Variants in ATP2B2 observed in about 807,000 individuals in gnomAD.
ATP2B2 encodes plasma membrane calcium-transporting ATPase 2.
Under a neutral mutation model 120.0 loss-of-function variants are expected in ATP2B2, and 15 were observed. That is an observed-to-expected ratio of 0.12 (90% CI 0.08 to 0.19). The LOEUF (loss-of-function observed/expected upper bound fraction) is 0.19. Ranked by LOEUF, ATP2B2 falls within the 10% of genes least tolerant of loss-of-function variation. The pLI is 1.00. For missense variants in ATP2B2, 1,045 were observed against 1,719.8 expected, an observed-to-expected ratio of 0.61 and a Z score of 6.94; for synonymous variants, 694 against 700.3, an observed-to-expected ratio of 0.99 and a Z score of 0.14.
intron 1 of ATP2B2, among the ~76,000 whole-genome samples, chr3:10,648,306 C>T (rs1274527695): frequency 6.6e-6 from 1 of 152,206 alleles, no homozygotes; most frequent in African/African-American, 2.4e-5. Flanking sequence ...TGACTAACAC[C>T]TTCCCGGCTT....
intron 3 of ATP2B2, among the ~76,000 whole-genome samples, chr3:10,409,475 T>C (rs1202758455): frequency 6.6e-6 from 1 of 152,210 alleles, no homozygotes; most frequent in Non-Finnish European, 1.5e-5. Flanking sequence ...GAACCTCAAG[T>C]CAGATTTAAA....
At chr3:10,472,155 G>A (rs2065039762) in intron 1 of ATP2B2, among the ~76,000 whole-genome samples, 1 of 151,864 alleles carries the variant, frequency 6.6e-6, no homozygotes, top group Non-Finnish European at 1.5e-5. Flanking sequence ...AGAGACAGAG[G>A]AAGACACAGA....
intron 9 of ATP2B2, 47 bp from the exon 10 acceptor site, chr3:10,378,457 A>T (rs1490451759): frequency 1.3e-6 from 2 of 1,597,756 alleles, no homozygotes; most frequent in Non-Finnish European, 1.7e-6. Flanking sequence ...ACACATAGAC[A>T]CACATGCAGG....
intron 1 of ATP2B2, among the ~76,000 whole-genome samples, chr3:10,461,089 C>T (rs2064469645): frequency 6.6e-6 from 1 of 152,138 alleles, no homozygotes; most frequent in Non-Finnish European, 1.5e-5. Context: ...GAGAAAGAGG[C>T]ATTAAAACAG....
intron 22 of ATP2B2, chr3:10,332,456 G>C (rs1004820176): frequency 4.3e-5 from 8 of 185,650 alleles, no homozygotes; most frequent in Admixed American, 5.3e-5. Flanking sequence ...ATGAGAAAGA[G>C]AGGCTGTGCG....
intron 1 of ATP2B2, among the ~76,000 whole-genome samples, chr3:10,503,468 A>C (rs1432266721): frequency 1.4e-4 from 21 of 152,158 alleles, no homozygotes; most frequent in Admixed American, 1.4e-3. Context: ...CCCTCCCCCA[A>C]CGCCTGTGTG....
chr3:10,571,501 G>T (rs1016104581), intron 2 of ATP2B2, among the ~76,000 whole-genome samples: 6 of 152,234 alleles, frequency 3.9e-5, no homozygotes, highest in African/African-American at 9.6e-5. Context: ...GTTTCCATAA[G>T]AAAGAGTCCA....
chr3:10,532,966 T>G (rs1017507612), intron 3 of ATP2B2, among the ~76,000 whole-genome samples: 2 of 152,192 alleles, frequency 1.3e-5, no homozygotes, highest in Admixed American at 6.5e-5. Flanking sequence ...TGGCGGCTAC[T>G]GGGAAGGTCA....
At chr3:10,643,800 G>A (rs1434257228) in intron 1 of ATP2B2, among the ~76,000 whole-genome samples, 1 of 152,134 alleles carries the variant, frequency 6.6e-6, no homozygotes, top group South Asian at 2.1e-4. Context: ...TCCTAGACTG[G>A]ATCCTGTGCT....
chr3:10,464,982 A>G (rs1034300345), intron 1 of ATP2B2, among the ~76,000 whole-genome samples: 36 of 152,328 alleles, frequency 2.4e-4, no homozygotes, highest in African/African-American at 8.7e-4. Context: ...TGCTCCAGGA[A>G]TGTGTCCCAC....
intron 1 of ATP2B2, among the ~76,000 whole-genome samples, chr3:10,467,357 A>G (rs996380165): frequency 6.6e-6 from 1 of 151,978 alleles, no homozygotes. Context: ...ACTCCTATTC[A>G]CCCTTGAGAG....
intron 2 of ATP2B2, among the ~76,000 whole-genome samples, chr3:10,567,071 A>G (rs4234502): frequency 0.34 from 51,438 of 151,824 alleles, 9,071 homozygotes; most frequent in South Asian, 0.45. Context: ...CCCTCTCCTC[A>G]CCATAACTGG....
In ATP2B2 at chr3:10,407,305, T is replaced by C. The variant is rs2062447807; in HGVS notation, c.397+3313A>G. On this transcript the variant is annotated intron_variant, in intron 3 of 22. Transcript: ENST00000360273. Reference sequence around the variant, plus strand: ...TAAAACTGAATGAGTTCAAACACAATGTGAGCACCAGGGATCTGGTGAAGC... The same window carrying C: ...TAAAACTGAATGAGTTCAAACACAACGTGAGCACCAGGGATCTGGTGAAGC... Among the ~76,000 whole-genome samples, 3 of 152,338 alleles carry C rather than the reference T, an allele frequency of 2.0e-5. No individual in the cohort carries two copies. The East Asian group carries it at 5.8e-4, about 29-fold the overall frequency.
At chr3:10,618,871 G>A (rs1180000617) in intron 2 of ATP2B2, among the ~76,000 whole-genome samples, 1 of 152,166 alleles carries the variant, frequency 6.6e-6, no homozygotes, top group African/African-American at 2.4e-5. Context: ...ACCTATAGAT[G>A]ATATTTTGAT....
intron 2 of ATP2B2, among the ~76,000 whole-genome samples, chr3:10,591,585 TA>T (rs1317119852): frequency 1.3e-5 from 2 of 152,186 alleles, no homozygotes; most frequent in African/African-American, 4.8e-5. Flanking sequence ...TCACCTGTCT[TA>T]AAAACACGCC....
chr3:10,661,453 T>C (rs1399063506), intron 1 of ATP2B2, among the ~76,000 whole-genome samples: 1 of 152,032 alleles, frequency 6.6e-6, no homozygotes, highest in African/African-American at 2.4e-5. Context: ...TATACACCAA[T>C]AACAGACAAA....
chr3:10,332,004 T>C, intron 22 of ATP2B2: 11 of 1,550,498 alleles, frequency 7.1e-6, no homozygotes, highest in Non-Finnish European at 9.6e-6. Flanking sequence ...TCACTCTCTC[T>C]TGCTGAACTC....
chr3:10,435,255 C>T (rs2063444233), intron 2 of ATP2B2, among the ~76,000 whole-genome samples: 2 of 152,214 alleles, frequency 1.3e-5, no homozygotes, highest in South Asian at 4.1e-4. Context: ...TTCCCTCCGG[C>T]TCCCATCCTA....
intron 1 of ATP2B2, among the ~76,000 whole-genome samples, chr3:10,663,064 G>A (rs536057482): frequency 6.0e-4 from 83 of 137,872 alleles, no homozygotes; most frequent in African/African-American, 2.0e-3. Flanking sequence ...GACACAGGAA[G>A]GGGAACATCA....
Sources: gnomAD v4.1 joint callset for allele counts (sites outside exome capture counted in the v4.1 genomes callset) on GRCh38, gnomAD v4.1.1 for gene constraint, MANE v1.5 for transcripts, NCBI Gene and HGNC (gene_info 2026-07-23, HGNC 2026-07-21) for gene names.